The following KCNH5 variants were observed in gnomAD, a reference collection of about 807,000 sequenced individuals.
The protein encoded by KCNH5 is voltage-gated delayed rectifier potassium channel KCNH5.
A neutral mutation model predicts 96.1 loss-of-function variants in KCNH5; 46 were observed. That is an observed-to-expected ratio of 0.48 (90% CI 0.38 to 0.61). KCNH5 has a LOEUF of 0.61. KCNH5 is among the 20% of genes least tolerant of loss of function. The pLI is 0.00. For missense variants in KCNH5, 907 were observed against 1,225.8 expected, an observed-to-expected ratio of 0.74 and a Z score of 3.88; for synonymous variants, 439 against 449.8, an observed-to-expected ratio of 0.98 and a Z score of 0.30.
chr14:62,854,957 T>G (rs1392306323), intron 7 of KCNH5, among the ~76,000 whole-genome samples: 2 of 150,834 alleles, frequency 1.3e-5, no homozygotes, highest in African/African-American at 4.9e-5. Context: ...CCCTTGAATG[T>G]AGGCATACCC....
chr14:62,884,202 A>G (rs1888549047), intron 7 of KCNH5, among the ~76,000 whole-genome samples: 1 of 152,240 alleles, frequency 6.6e-6, no homozygotes, highest in African/African-American at 2.4e-5. Flanking sequence ...CAATGTATCT[A>G]TAATACGGCA....
chr14:62,840,228 C>T (rs1053599393), intron 8 of KCNH5, among the ~76,000 whole-genome samples: 1 of 152,142 alleles, frequency 6.6e-6, no homozygotes, highest in Non-Finnish European at 1.5e-5. Context: ...TATATGCCAT[C>T]TCTCAGAGAT....
chr14:62,862,310 G>A (rs1888052822), intron 7 of KCNH5, among the ~76,000 whole-genome samples: 1 of 152,136 alleles, frequency 6.6e-6, no homozygotes, highest in South Asian at 2.1e-4. Flanking sequence ...ATAGTTTGGG[G>A]TCCTGAGAAT....
intron 10 of KCNH5, among the ~76,000 whole-genome samples, chr14:62,772,202 C>T (rs1235947083): frequency 6.6e-6 from 1 of 151,788 alleles, no homozygotes. Flanking sequence ...TCTTTTTCTC[C>T]TTCCCTTCCT....
intron 4 of KCNH5, among the ~76,000 whole-genome samples, chr14:63,000,101 G>A (rs1349075015): frequency 1.3e-5 from 2 of 152,122 alleles, no homozygotes; most frequent in African/African-American, 4.8e-5. Flanking sequence ...GCTATTTGAT[G>A]TTAACCAGAA....
In KCNH5 at chr14:62,708,343, T is replaced by A; in HGVS notation, c.2132A>T (p.Gln711Leu). 6.2e-7 allele frequency: 1 copy of A among 1,614,142 alleles called. No individual in the cohort carries two copies. Among genetic ancestry groups the A allele is most frequent in the Non-Finnish European group, 8.5e-7 (1 of 1,180,046 alleles). The change falls in exon 11 of 11, where the codon CAG becomes CTG. Residue 711 changes from glutamine to leucine, a missense_variant. By Grantham distance (113) the Gln-to-Leu change is moderately radical. Transcript: ENST00000322893. ...CAGCTCCTTCTGCTGCTTGAACTTCTGGAAGAGCTTTCTGACTGGGTGGTC... is the reference window on the plus strand; with the variant it reads ...CAGCTCCTTCTGCTGCTTGAACTTCAGGAAGAGCTTTCTGACTGGGTGGTC... ...PVDHPVRKLF[Q>L]KFKQQKELRN...
At chr14:62,912,325 A>T (rs1387194179) in intron 7 of KCNH5, among the ~76,000 whole-genome samples, 1 of 152,024 alleles carries the variant, frequency 6.6e-6, no homozygotes, top group East Asian at 1.9e-4. Flanking sequence ...TTTAGTACTT[A>T]TACTGTTTGC....
At chr14:63,008,797 A>G (rs1205799102) in intron 2 of KCNH5, among the ~76,000 whole-genome samples, 1 of 152,106 alleles carries the variant, frequency 6.6e-6, no homozygotes. Flanking sequence ...TGAGAGTTTC[A>G]TAAAAATTGC....
intron 8 of KCNH5, among the ~76,000 whole-genome samples, chr14:62,829,882 T>C (rs1013196263): frequency 2.0e-5 from 3 of 152,244 alleles, no homozygotes; most frequent in African/African-American, 7.2e-5. Flanking sequence ...TAAACTTTTA[T>C]GCTCTGCTTC....
intron 10 of KCNH5, among the ~76,000 whole-genome samples, chr14:62,738,863 T>G (rs1566644712): frequency 6.6e-6 from 1 of 152,086 alleles, no homozygotes; most frequent in Admixed American, 6.6e-5. Context: ...ATAAAAGGAA[T>G]GCACATAGAA....
chr14:62,840,790 G>A (rs926378362), intron 8 of KCNH5, among the ~76,000 whole-genome samples: 3 of 151,472 alleles, frequency 2.0e-5, no homozygotes, highest in African/African-American at 7.3e-5. Flanking sequence ...GGATGGTCTC[G>A]CTCCTGACCT....
At chr14:62,782,039 C>T (rs976220340) in intron 9 of KCNH5, among the ~76,000 whole-genome samples, 8 of 152,212 alleles carry the variant, frequency 5.3e-5, no homozygotes, top group African/African-American at 7.2e-5. Context: ...TCACAATCCA[C>T]GTTCTTCTGC....
chr14:62,856,776 C>A (rs1195737448), intron 7 of KCNH5, among the ~76,000 whole-genome samples: 2 of 151,300 alleles, frequency 1.3e-5, no homozygotes, highest in African/African-American at 4.9e-5. Flanking sequence ...CAGGCAATTT[C>A]TATTTTCCAA....
intron 7 of KCNH5, among the ~76,000 whole-genome samples, chr14:62,910,928 CACACACACACACA>C (rs1292643729): frequency 1.4e-4 from 21 of 144,838 alleles, no homozygotes; most frequent in Non-Finnish European, 3.2e-4. Context: ...CACACACACA[CACACACACACACA>C]CCCCTCTGTT....
At chr14:63,026,444 A>T (rs1199781258) in intron 1 of KCNH5, among the ~76,000 whole-genome samples, 3 of 152,066 alleles carry the variant, frequency 2.0e-5, no homozygotes, top group African/African-American at 7.2e-5. Flanking sequence ...GTAATAAAAT[A>T]TATCTACAAA....
At chr14:62,819,214 A>G (rs762723423) in intron 8 of KCNH5, among the ~76,000 whole-genome samples, 50 of 152,162 alleles carry the variant, frequency 3.3e-4, no homozygotes, top group Middle Eastern at 3.4e-3. Flanking sequence ...TGATCCGCCC[A>G]CCTCAGCCTC....
intron 4 of KCNH5, among the ~76,000 whole-genome samples, chr14:62,987,476 C>T (rs1594661193): frequency 6.6e-6 from 1 of 152,308 alleles, no homozygotes; most frequent in African/African-American, 2.4e-5. Flanking sequence ...CTCCTCCTTG[C>T]ATTGTACAGC....
intron 1 of KCNH5, among the ~76,000 whole-genome samples, chr14:63,042,619 T>C (rs1452664593): frequency 3.3e-5 from 5 of 152,154 alleles, no homozygotes; most frequent in Non-Finnish European, 1.5e-5. Flanking sequence ...TAGTGAATAA[T>C]GAAACCTTCA....
At chr14:62,720,497 GGC>G (rs1884785721) in intron 10 of KCNH5, among the ~76,000 whole-genome samples, 1 of 152,112 alleles carries the variant, frequency 6.6e-6, no homozygotes, top group Non-Finnish European at 1.5e-5. Context: ...GCAGGAGAAT[GGC>G]GTGAACCCGG....
Sources: allele counts gnomAD v4.1 joint callset (sites outside exome capture counted in the v4.1 genomes callset), GRCh38; gene constraint gnomAD v4.1.1; transcripts MANE v1.5; gene names NCBI Gene and HGNC (gene_info 2026-07-23, HGNC 2026-07-21).